Variants in TMC1 observed in about 807,000 individuals in gnomAD.
TMC1 encodes the protein transmembrane channel-like protein 1.
In TMC1, 84 loss-of-function variants were observed where a neutral mutation model predicts 105.8. That is an observed-to-expected ratio of 0.79 (90% CI 0.67 to 0.95). TMC1 has a LOEUF of 0.95. Ranked by LOEUF, TMC1 falls within the 40% of genes least tolerant of loss-of-function variation. TMC1 has a pLI of 0.00. For missense variants in TMC1, 817 were observed against 914.1 expected, an observed-to-expected ratio of 0.89 and a Z score of 1.37; for synonymous variants, 315 against 311.5, an observed-to-expected ratio of 1.01 and a Z score of -0.12.
At chr9:72,784,243 A>G (rs1259887440) in intron 13 of TMC1, among the ~76,000 whole-genome samples, 1 of 152,178 alleles carries the variant, frequency 6.6e-6, no homozygotes, top group East Asian at 1.9e-4. Context: ...ACAAAACCCT[A>G]AAAAACCATT....
chr9:72,770,493 A>G (rs1827908878), intron 12 of TMC1, among the ~76,000 whole-genome samples: 1 of 146,596 alleles, frequency 6.8e-6, no homozygotes, highest in Admixed American at 6.9e-5. Context: ...ATCTTGGGAC[A>G]CTGCAACCTC....
intron 2 of TMC1, among the ~76,000 whole-genome samples, chr9:72,598,003 T>C (rs1824745871): frequency 6.6e-6 from 1 of 152,210 alleles, no homozygotes; most frequent in Non-Finnish European, 1.5e-5. Context: ...ATGGGGACTT[T>C]ATGTGTAACA....
intron 17 of TMC1, among the ~76,000 whole-genome samples, chr9:72,794,641 T>C (rs1052753876): frequency 3.3e-5 from 5 of 152,128 alleles, no homozygotes; most frequent in Admixed American, 3.3e-4. Flanking sequence ...TCAATCTACA[T>C]TGCAGTTAAA....
In TMC1 at chr9:72,587,083, A is replaced by G. The variant is rs1387445821; in HGVS notation, c.-306+9060A>G. Reference sequence around the variant, plus strand: ...CTGAACATTTTACAATGCCCAGGACAGCCCTCCCACAATAAATTATCTGGC... The same window carrying G: ...CTGAACATTTTACAATGCCCAGGACGGCCCTCCCACAATAAATTATCTGGC... On this transcript the variant is annotated intron_variant, in intron 2 of 23. Coordinates refer to ENST00000297784, the MANE Select transcript of TMC1 (RefSeq NM_138691.3). 3.3e-5 allele frequency among the ~76,000 whole-genome samples: 5 copies of G among 152,120 alleles called. No homozygotes were observed. In the East Asian group the frequency reaches 7.7e-4, roughly 23 times the overall value.
At chr9:72,566,616 G>A (rs1038261800) in intron 1 of TMC1, among the ~76,000 whole-genome samples, 1 of 152,188 alleles carries the variant, frequency 6.6e-6, no homozygotes, top group African/African-American at 2.4e-5. Context: ...GAAACAGGCT[G>A]CAAACAGAAG....
At chr9:72,610,736 A>T (rs571556993) in intron 2 of TMC1, among the ~76,000 whole-genome samples, 1 of 152,350 alleles carries the variant, frequency 6.6e-6, no homozygotes, top group East Asian at 1.9e-4. Context: ...AGTCAAGTGG[A>T]TGCATAAAAT....
chr9:72,628,833 A>G (rs1458720067), intron 4 of TMC1, among the ~76,000 whole-genome samples: 1 of 152,236 alleles, frequency 6.6e-6, no homozygotes, highest in Non-Finnish European at 1.5e-5. Flanking sequence ...AATTATGATT[A>G]GATCTAATTC....
At chr9:72,548,263 G>A (rs11143322) in intron 1 of TMC1, among the ~76,000 whole-genome samples, 89,182 of 152,024 alleles carry the variant, frequency 0.59, 28,298 homozygotes, top group African/African-American at 0.85. Flanking sequence ...AATTTATAGT[G>A]TATTTATTAT....
intron 4 of TMC1, 63 bp downstream of exon 4, chr9:72,628,126 C>T: frequency 4.4e-6 from 2 of 454,994 alleles, no homozygotes; most frequent in South Asian, 3.1e-5. Context: ...TGGCCTTTCA[C>T]ATGCTATGTT....
intron 2 of TMC1, among the ~76,000 whole-genome samples, chr9:72,579,301 T>C (rs1824437380): frequency 6.6e-6 from 1 of 152,208 alleles, no homozygotes; most frequent in South Asian, 2.1e-4. Context: ...TCTTCTCAGT[T>C]CCTGGCTTCA....
At chr9:72,711,368 C>T (rs947047882) in intron 8 of TMC1, among the ~76,000 whole-genome samples, 2 of 152,084 alleles carry the variant, frequency 1.3e-5, no homozygotes, top group African/African-American at 4.8e-5. Flanking sequence ...GGTTGAACTG[C>T]TTTAGACTCC....
chr9:72,759,863 C>T (rs574216463), intron 12 of TMC1, among the ~76,000 whole-genome samples: 31 of 152,154 alleles, frequency 2.0e-4, no homozygotes, highest in South Asian at 4.2e-4. Flanking sequence ...TCCTGTATTC[C>T]GCCCGTAATT....
intron 4 of TMC1, among the ~76,000 whole-genome samples, chr9:72,647,155 A>C (rs1233710041): frequency 6.6e-6 from 1 of 151,606 alleles, no homozygotes; most frequent in African/African-American, 2.4e-5. Context: ...AAAAAAAAAA[A>C]AAAAGAGAGA....
chr9:72,668,883 A>G (rs1826084278), intron 5 of TMC1, among the ~76,000 whole-genome samples: 1 of 152,204 alleles, frequency 6.6e-6, no homozygotes, highest in Non-Finnish European at 1.5e-5. Flanking sequence ...CTTGTGTGAG[A>G]TACTTAAAGA....
In TMC1 at chr9:72,826,929, G is replaced by C; in HGVS notation, c.2064G>C (p.Trp688Cys). 1 of 1,614,076 alleles carries C rather than the reference G, an allele frequency of 6.2e-7. No homozygotes were observed. Among genetic ancestry groups the C allele is most frequent in the Non-Finnish European group, 8.5e-7 (1 of 1,179,966 alleles). Residue 688 changes from tryptophan (W) to cysteine (C), a missense_variant, in exon 21 of 24, where the codon TGG becomes TGC. By Grantham distance (215) the Trp-to-Cys change is radical. Coordinates refer to ENST00000297784, the MANE Select transcript of TMC1 (RefSeq NM_138691.3). ...GETLEHDFPS[W>C]MAKILRQLSN... is the part of the protein sequence containing the mutation. ...CCCTGGAGCACGATTTCCCAAGCTGGATGGCGAAGATCTTGAGACAGCTTT... is the reference window on the plus strand; with the variant it reads ...CCCTGGAGCACGATTTCCCAAGCTGCATGGCGAAGATCTTGAGACAGCTTT...
In TMC1 at chr9:72,595,206, C is replaced by A. The variant is rs536944945; in HGVS notation, c.-306+17183C>A. Among the ~76,000 whole-genome samples the A allele has an allele frequency of 2.6e-5, 4 of 152,266 alleles. No individual in the cohort carries two copies. The South Asian group carries it at 8.3e-4, about 32-fold the overall frequency. ...TCAACTGCTGCTACCGATAGACTTA[C>A]TGAAGGATTTGAAGCCAAATGGTAT... On this transcript the variant is annotated intron_variant, in intron 2 of 23. Transcript: ENST00000297784.
chr9:72,673,547 C>T (rs904249852), intron 5 of TMC1, among the ~76,000 whole-genome samples: 1 of 151,952 alleles, frequency 6.6e-6, no homozygotes, highest in African/African-American at 2.4e-5. Context: ...TTTAGTATAA[C>T]ATTTATTCAT....
chr9:72,601,690 C>T (rs1824818665), intron 2 of TMC1, among the ~76,000 whole-genome samples: 1 of 151,820 alleles, frequency 6.6e-6, no homozygotes, highest in African/African-American at 2.4e-5. Flanking sequence ...AAACAAAAAA[C>T]ATATTAGCTT....
chr9:72,594,158 T>G (rs1467247338), intron 2 of TMC1, among the ~76,000 whole-genome samples: 1 of 152,188 alleles, frequency 6.6e-6, no homozygotes, highest in African/African-American at 2.4e-5. Context: ...GTTTTATTGA[T>G]TTTTACATGT....
Sources: allele counts gnomAD v4.1 joint callset (sites outside exome capture counted in the v4.1 genomes callset), GRCh38; gene constraint gnomAD v4.1.1; transcripts MANE v1.5; gene names NCBI Gene and HGNC (gene_info 2026-07-23, HGNC 2026-07-21).